Variants in ROCK1 observed in about 807,000 individuals in gnomAD.
ROCK1 encodes the protein rho-associated protein kinase 1.
ROCK1 carries 36 observed loss-of-function variants against 196.8 expected under a neutral mutation model. The ratio of observed to expected loss-of-function variants is 0.18; its 90% confidence interval spans 0.14 to 0.24. The LOEUF (loss-of-function observed/expected upper bound fraction) is 0.24. ROCK1 is among the 10% of genes least tolerant of loss of function. ROCK1 has a pLI of 1.00. For missense variants in ROCK1, 920 were observed against 1,562.0 expected, an observed-to-expected ratio of 0.59 and a Z score of 6.93; for synonymous variants, 443 against 515.9, an observed-to-expected ratio of 0.86 and a Z score of 1.91.
chr18:21,103,527 T>C (rs114614160), intron 1 of ROCK1, among the ~76,000 whole-genome samples: 3,421 of 152,116 alleles, frequency 0.022, 137 homozygotes, highest in African/African-American at 0.079. Flanking sequence ...GGCACCAACA[T>C]GGCTCACTGC....
chr18:21,108,163 G>A (rs1048306312), intron 1 of ROCK1, among the ~76,000 whole-genome samples: 1 of 152,088 alleles, frequency 6.6e-6, no homozygotes, highest in African/African-American at 2.4e-5. Flanking sequence ...AGAAAAAGAG[G>A]ACAAGATTAT....
At chr18:20,952,922 A>G (rs1487288730) in intron 32 of ROCK1, among the ~76,000 whole-genome samples, 1 of 152,156 alleles carries the variant, frequency 6.6e-6, no homozygotes, top group Admixed American at 6.5e-5. Flanking sequence ...GAGTTGAACA[A>G]TGAGAAAACA....
chr18:21,014,588 T>C (rs971223314), intron 13 of ROCK1, among the ~76,000 whole-genome samples: 1 of 152,172 alleles, frequency 6.6e-6, no homozygotes, highest in African/African-American at 2.4e-5. Context: ...GTGGAAGATA[T>C]GCAAAAAAGG....
intron 1 of ROCK1, among the ~76,000 whole-genome samples, chr18:21,075,538 T>C (rs1422732641): frequency 2.0e-5 from 3 of 152,160 alleles, no homozygotes; most frequent in Non-Finnish European, 4.4e-5. Flanking sequence ...ACAATACAGA[T>C]TTGGGAGTCA....
chr18:21,022,647 T>C, intron 11 of ROCK1, among the ~76,000 whole-genome samples: 1 of 152,164 alleles, frequency 6.6e-6, no homozygotes. Flanking sequence ...CGTTTTATAT[T>C]CCTCTTCTAT....
chr18:21,058,440 T>C lies in ROCK1; in HGVS notation c.176-8560A>G, dbSNP rs368274268. 1.1e-4 allele frequency among the ~76,000 whole-genome samples: 16 copies of C among 152,278 alleles called. 1 individual carries two copies. The South Asian group carries it at 3.3e-3, about 32-fold the overall frequency. On this transcript the variant is annotated intron_variant, in intron 2 of 32. Coordinates refer to ENST00000399799, the MANE Select transcript of ROCK1 (RefSeq NM_005406.3). ...GTAAAATATCATAATAAACATTATG[T>C]ACCTTGTACTGTTTGACCAGAATAC...
chr18:20,969,335 T>C (rs1946228396), intron 23 of ROCK1, 127 bp from the exon 24 acceptor site: 1 of 544,190 alleles, frequency 1.8e-6, no homozygotes. Flanking sequence ...AAATGTCTGG[T>C]TTCCAGCTTA....
chr18:21,044,271 G>A (rs1296049226), intron 5 of ROCK1, 85 bp from the exon 6 acceptor site: 3 of 940,026 alleles, frequency 3.2e-6, no homozygotes, highest in East Asian at 5.0e-5. Flanking sequence ...TTTAGGTCAA[G>A]CATCCTCAAT....
chr18:20,959,052 ATATAT>A (rs1339375342), intron 29 of ROCK1, among the ~76,000 whole-genome samples: 9 of 50,052 alleles, frequency 1.8e-4, no homozygotes, highest in East Asian at 1.7e-3. Flanking sequence ...TATATAATAT[ATATAT>A]TATATTTTAT....
intron 12 of ROCK1, among the ~76,000 whole-genome samples, chr18:21,017,384 G>A (rs1440159565): frequency 6.6e-6 from 1 of 151,366 alleles, no homozygotes; most frequent in South Asian, 2.1e-4. Context: ...GTAGAGATGT[G>A]GTTTCACCTT....
chr18:20,980,589 C>T (rs1378028559), intron 21 of ROCK1, among the ~76,000 whole-genome samples: 6 of 152,090 alleles, frequency 3.9e-5, no homozygotes, highest in African/African-American at 1.2e-4. Context: ...AATTTACTAA[C>T]CAGTACACTT....
rs796701748 is a variant in ROCK1, at chr18:21,078,373, CAGAGAG to C, written c.94-7766_94-7761del. 4.3e-3 allele frequency among the ~76,000 whole-genome samples: 287 copies of C among 66,208 alleles called. 1 individual carries two copies. Among genetic ancestry groups the C allele is most frequent in the Non-Finnish European group, 6.5e-3 (140 of 21,396 alleles). 43.4% of individuals were successfully genotyped at this position (66,208 alleles called of 152,430 possible). ...ACACACACACACACACACACACACA[CAGAGAG>C]AGAGAGAGAGAGAGAGAGAGAACCT... is the stretch of plus-strand genomic sequence containing the variant. On this transcript the variant is annotated intron_variant, in intron 1 of 32. Transcript: ENST00000399799.
At chr18:21,035,531 C>T (rs2036049410) in intron 9 of ROCK1, among the ~76,000 whole-genome samples, 1 of 152,044 alleles carries the variant, frequency 6.6e-6, no homozygotes, top group Admixed American at 6.6e-5. Context: ...TTAGCCATTC[C>T]ACTTCTAGGT....
intron 2 of ROCK1, among the ~76,000 whole-genome samples, chr18:21,060,839 C>CAAAAAA (rs930819259): frequency 8.9e-5 from 4 of 44,746 alleles, no homozygotes; most frequent in Non-Finnish European, 1.5e-4. Flanking sequence ...AACTCCATCT[C>CAAAAAA]AAAAAAAAAA....
intron 1 of ROCK1, among the ~76,000 whole-genome samples, chr18:21,077,163 C>T (rs1372341044): frequency 1.1e-4 from 16 of 151,114 alleles, no homozygotes; most frequent in Admixed American, 4.6e-4. Context: ...TTAGTAGAGA[C>T]GGGGTTTCAC....
intron 9 of ROCK1, among the ~76,000 whole-genome samples, chr18:21,037,749 G>C (rs1172387479): frequency 6.6e-6 from 1 of 152,072 alleles, no homozygotes; most frequent in Non-Finnish European, 1.5e-5. Context: ...AAATGCCACT[G>C]ATCTGGACTC....
intron 2 of ROCK1, among the ~76,000 whole-genome samples, chr18:21,060,508 T>TA (rs1207520173): frequency 9.2e-5 from 14 of 152,222 alleles, no homozygotes; most frequent in Non-Finnish European, 1.3e-4. Context: ...CTAGCAATGC[T>TA]ACATCTGTGT....
At chr18:21,028,712 T>C in intron 10 of ROCK1, 64 bp downstream of exon 10, 1 of 1,399,186 alleles carries the variant, frequency 7.1e-7, no homozygotes, top group Non-Finnish European at 9.7e-7. Context: ...TTAAAAATGA[T>C]TTTTAGATAT....
chr18:21,099,517 G>C (rs1036302485), intron 1 of ROCK1, among the ~76,000 whole-genome samples: 2 of 152,170 alleles, frequency 1.3e-5, no homozygotes, highest in African/African-American at 4.8e-5. Context: ...GTTGTGGTGG[G>C]AGGATCCCTT....
Sources: gnomAD v4.1 joint callset for allele counts (sites outside exome capture counted in the v4.1 genomes callset) on GRCh38, gnomAD v4.1.1 for gene constraint, MANE v1.5 for transcripts, NCBI Gene and HGNC (gene_info 2026-07-23, HGNC 2026-07-21) for gene names.